Variants in PTPRD observed in about 807,000 individuals in gnomAD.
PTPRD encodes the protein receptor-type tyrosine-protein phosphatase delta.
Under a neutral mutation model 214.5 loss-of-function variants are expected in PTPRD, and 34 were observed. The ratio of observed to expected loss-of-function variants is 0.16; its 90% confidence interval spans 0.12 to 0.21. The LOEUF (loss-of-function observed/expected upper bound fraction) is 0.21, where lower values mean the gene tolerates loss of function less well. PTPRD is among the 10% of genes least tolerant of loss of function. The pLI, the probability that PTPRD is intolerant of heterozygous loss-of-function variation, is 1.00. For synonymous variants in PTPRD, 1,128 were observed against 845.7 expected, an observed-to-expected ratio of 1.33 and a Z score of -5.79; for missense variants, 2,545 against 2,398.7, an observed-to-expected ratio of 1.06 and a Z score of -1.27.
At chr9:9,425,501 G>C (rs1362620244) in intron 8 of PTPRD, among the ~76,000 whole-genome samples, 1 of 147,720 alleles carries the variant, frequency 6.8e-6, no homozygotes, top group Non-Finnish European at 1.5e-5. Flanking sequence ...AGTAATTGTG[G>C]GTTTTGCCAT....
chr9:9,699,236 T>C (rs971688264), intron 7 of PTPRD, among the ~76,000 whole-genome samples: 22 of 152,206 alleles, frequency 1.4e-4, no homozygotes, highest in African/African-American at 5.3e-4. Context: ...TCTACATGCA[T>C]ACCTTATACT....
chr9:9,792,492 C>T (rs1471767939), intron 5 of PTPRD, among the ~76,000 whole-genome samples: 1 of 152,024 alleles, frequency 6.6e-6, no homozygotes, highest in African/African-American at 2.4e-5. Flanking sequence ...TGTGAAAATT[C>T]CCATTTACCC....
chr9:9,329,367 G>T (rs931355363), intron 9 of PTPRD, among the ~76,000 whole-genome samples: 5 of 152,066 alleles, frequency 3.3e-5, no homozygotes, highest in African/African-American at 1.2e-4. Flanking sequence ...ACTAAGAGAT[G>T]AGTTTTCTTC....
chr9:9,600,434 C>CAGT (rs529867159), intron 7 of PTPRD, among the ~76,000 whole-genome samples: 3,129 of 94,600 alleles, frequency 0.033, 114 homozygotes, highest in African/African-American at 0.11. Context: ...ATTGTATTAG[C>CAGT]CCCCGTTTTA....
intron 7 of PTPRD, among the ~76,000 whole-genome samples, chr9:9,581,188 T>A (rs1248162879): frequency 6.6e-6 from 1 of 152,134 alleles, no homozygotes; most frequent in Non-Finnish European, 1.5e-5. Context: ...TATAATTAAT[T>A]TTAGATAGTG....
chr9:10,062,879 C>T (rs1255074020), intron 3 of PTPRD, among the ~76,000 whole-genome samples: 2 of 151,842 alleles, frequency 1.3e-5, no homozygotes, highest in African/African-American at 4.8e-5. Context: ...AGTCTTGCTC[C>T]CAATTTACCT....
intron 8 of PTPRD, among the ~76,000 whole-genome samples, chr9:9,486,627 C>G (rs1392091167): frequency 1.3e-5 from 2 of 152,046 alleles, no homozygotes; most frequent in Non-Finnish European, 2.9e-5. Context: ...TCATAGTCTT[C>G]AAACCATATT....
chr9:9,066,619 G>T (rs1316265894), intron 10 of PTPRD, among the ~76,000 whole-genome samples: 1 of 152,116 alleles, frequency 6.6e-6, no homozygotes, highest in Non-Finnish European at 1.5e-5. Context: ...ATTATTCTGG[G>T]TTCTTGAGTG....
intron 3 of PTPRD, among the ~76,000 whole-genome samples, chr9:10,258,613 A>G (rs929619104): frequency 3.9e-5 from 6 of 152,230 alleles, no homozygotes; most frequent in Non-Finnish European, 8.8e-5. Context: ...AATCATCTGA[A>G]TACTCACTGC....
At chr9:10,355,897 T>C (rs1376277474) in intron 2 of PTPRD, among the ~76,000 whole-genome samples, 2 of 152,150 alleles carry the variant, frequency 1.3e-5, no homozygotes, top group Non-Finnish European at 2.9e-5. Context: ...TAGGTAAATA[T>C]TGTCAGTAGA....
intron 11 of PTPRD, among the ~76,000 whole-genome samples, chr9:8,986,448 A>T (rs1045020611): frequency 6.6e-6 from 1 of 151,796 alleles, no homozygotes; most frequent in African/African-American, 2.4e-5. Context: ...TATATATATT[A>T]TATGCATATA....
At chr9:9,051,981 T>C (rs2099686683) in intron 10 of PTPRD, among the ~76,000 whole-genome samples, 2 of 152,188 alleles carry the variant, frequency 1.3e-5, no homozygotes, top group Non-Finnish European at 2.9e-5. Context: ...CTTATCTTCA[T>C]CCATCTGGAT....
rs551415588 is a variant in PTPRD at position 9,085,832 on chromosome 9, T to C, written c.-142-67097A>G. Among the ~76,000 whole-genome samples, 10 of 152,286 alleles carry C rather than the reference T, an allele frequency of 6.6e-5. No homozygotes were observed. In the South Asian group the frequency reaches 1.2e-3, roughly 19 times the overall value. ...CAGACCTTTCCAAGCTCTATATTAA[T>C]TTAAGCCTCTCGAATCTAGAGAAGT... On this transcript the variant is annotated intron_variant, in intron 10 of 45. Coordinates refer to ENST00000381196, the MANE Select transcript of PTPRD (RefSeq NM_002839.4).
intron 3 of PTPRD, among the ~76,000 whole-genome samples, chr9:10,330,978 T>C (rs1008610813): frequency 5.3e-5 from 8 of 151,784 alleles, no homozygotes; most frequent in East Asian, 1.9e-4. Flanking sequence ...TGGGTCCCAG[T>C]TCATCCTTGT....
intron 26 of PTPRD, among the ~76,000 whole-genome samples, chr9:8,493,899 T>G (rs957805228): frequency 6.6e-6 from 1 of 152,166 alleles, no homozygotes; most frequent in Non-Finnish European, 1.5e-5. Context: ...TTAGAGATTC[T>G]GGCTATTAGC....
intron 10 of PTPRD, among the ~76,000 whole-genome samples, chr9:9,134,913 T>C (rs2099848579): frequency 6.6e-6 from 1 of 152,088 alleles, no homozygotes; most frequent in African/African-American, 2.4e-5. Flanking sequence ...AAATCAGTAG[T>C]TATGTCACAG....
chr9:9,763,822 T>A (rs910833023), intron 6 of PTPRD, among the ~76,000 whole-genome samples: 7 of 152,132 alleles, frequency 4.6e-5, no homozygotes, highest in African/African-American at 1.4e-4. Context: ...CCTTTTGTCA[T>A]GTCACAGAAA....
chr9:9,513,884 G>A (rs192389834), intron 8 of PTPRD, among the ~76,000 whole-genome samples: 68 of 152,152 alleles, frequency 4.5e-4, no homozygotes, highest in African/African-American at 1.5e-3. Flanking sequence ...AAAAGGGAGC[G>A]TGGATAAATG....
chr9:8,730,083 C>T (rs1444433835), intron 12 of PTPRD, among the ~76,000 whole-genome samples: 2 of 151,932 alleles, frequency 1.3e-5, no homozygotes, highest in Non-Finnish European at 1.5e-5. Flanking sequence ...AGTGAAACCC[C>T]GTCTCTACTA....
Sources: gnomAD v4.1 joint callset for allele counts (sites outside exome capture counted in the v4.1 genomes callset) on GRCh38, gnomAD v4.1.1 for gene constraint, MANE v1.5 for transcripts, NCBI Gene and HGNC (gene_info 2026-07-23, HGNC 2026-07-21) for gene names.